ITGA3: variants seen among roughly 807,000 people sequenced by gnomAD.
ITGA3 encodes the protein integrin alpha-3.
ITGA3 carries 70 observed loss-of-function variants against 131.1 expected under a neutral mutation model. The observed-to-expected ratio is 0.53, with a 90% CI of 0.44 to 0.65. ITGA3 has a LOEUF of 0.65. Ranked by LOEUF, ITGA3 falls within the 30% of genes least tolerant of loss-of-function variation. The pLI, the probability that ITGA3 is intolerant of heterozygous loss-of-function variation, is 0.00. For missense variants in ITGA3, 1,098 were observed against 1,388.6 expected (o/e 0.79, Z 3.33); for synonymous variants, 537 against 571.6 (o/e 0.94, Z 0.86).
At chr17:50,073,633 C>T (rs963523438) in intron 7 of ITGA3, among the ~76,000 whole-genome samples, 32 of 149,550 alleles carry the variant, frequency 2.1e-4, no homozygotes, top group African/African-American at 4.7e-4. Context: ...CACACACACA[C>T]GCACACACGC....
At chr17:50,087,480 C>T (rs1909504616) in intron 23 of ITGA3, 2 of 414,032 alleles carry the variant, frequency 4.8e-6, no homozygotes, top group South Asian at 6.1e-5. Flanking sequence ...TACCCAGGCC[C>T]AGATGTGTGG....
intron 1 of ITGA3, among the ~76,000 whole-genome samples, chr17:50,059,349 C>T (rs1907970828): frequency 6.6e-6 from 1 of 152,194 alleles, no homozygotes; most frequent in Non-Finnish European, 1.5e-5. Context: ...ACCCTGTGGG[C>T]CTATGGGGAT....
At position 50,079,146 on chromosome 17, in the gene ITGA3, TC is replaced by T; in HGVS notation, c.2472del (p.Ser825AlafsTer78). ...LVLGLEWPYE[V>X]SNGKWLLYPT... ...CTAGGTCTGGAGTGGCCCTACGAAG[TC>T]AGCAATGGCAAGTGGCTGCTGTATC... On this transcript the variant is annotated frameshift_variant, in exon 20 of 26. Transcript: ENST00000320031. LOFTEE classifies it high-confidence loss of function. 1 of 1,613,904 alleles carries T rather than the reference TC, an allele frequency of 6.2e-7. No individual in the cohort carries two copies. Among genetic ancestry groups the T allele is most frequent in the Non-Finnish European group, 8.5e-7 (1 of 1,179,944 alleles).
chr17:50,081,253 A>G, intron 22 of ITGA3, 57 bp from the exon 23 acceptor site: 3 of 1,116,780 alleles, frequency 2.7e-6, no homozygotes, highest in Non-Finnish European at 4.0e-6. Flanking sequence ...TTAGGGTCGG[A>G]GGTAGGCTCA....
At chr17:50,074,767 G>A (rs753441485) in intron 10 of ITGA3, among the ~76,000 whole-genome samples, 10 of 152,182 alleles carry the variant, frequency 6.6e-5, no homozygotes, top group Non-Finnish European at 1.3e-4. Context: ...AGCTCTGGAC[G>A]GCCTGGTTCA....
At chr17:50,067,927 G>C in intron 3 of ITGA3, 129 bp from the exon 4 acceptor site, 1 of 1,226,590 alleles carries the variant, frequency 8.2e-7, no homozygotes, top group South Asian at 1.4e-5. Context: ...AGTATCACTG[G>C]GAGAAGGAGA....
intron 21 of ITGA3, 25 bp downstream of exon 21, chr17:50,079,582 G>A: frequency 2.7e-6 from 4 of 1,506,350 alleles, no homozygotes; most frequent in South Asian, 1.4e-5. Context: ...CGAGGTTGGA[G>A]GGGATTGCAT....
chr17:50,075,557 A>C (rs752674704), intron 11 of ITGA3, 31 bp downstream of exon 11: 43 of 1,614,116 alleles, frequency 2.7e-5, no homozygotes, highest in Non-Finnish European at 3.6e-5. Flanking sequence ...TAAAAGGGGT[A>C]CGCTCCCCTG....
At chr17:50,077,506 C>A in intron 16 of ITGA3, 59 bp downstream of exon 16, 1 of 1,308,942 alleles carries the variant, frequency 7.6e-7, no homozygotes, top group Non-Finnish European at 1.1e-6. Flanking sequence ...CTCTGATGAG[C>A]TCCTTGTCCT....
Position 50,089,522 on chromosome 17 carries a change from T to G in ITGA3, c.*444T>G. 1.9e-6 allele frequency: 1 copy of G among 517,508 alleles called. No homozygotes were observed. The highest frequency in any genetic ancestry group is 2.3e-5 in the South Asian group (1 of 43,982). The allele number at this position is 517,508 out of a possible 1,614,324, so 32.1% of individuals were successfully genotyped here. A position where few individuals can be genotyped will look rare whatever the true frequency, so the allele number is the denominator to read the frequency against. ...AGATGCACGTGGGGCCCACTGCTCG[T>G]GGACTGTGCTGGTGCATCACGGATG... On this transcript the variant is annotated 3_prime_UTR_variant, in exon 26 of 26. Coordinates refer to ENST00000320031, the MANE Select transcript of ITGA3 (RefSeq NM_002204.4).
intron 24 of ITGA3, 98 bp from the exon 25 acceptor site, chr17:50,088,127 C>T (rs1045983313): frequency 1.4e-6 from 2 of 1,449,510 alleles, no homozygotes; most frequent in South Asian, 2.9e-5. Context: ...CCCCAGCCCC[C>T]AGGCTCCCCA....
In ITGA3 at chr17:50,088,503, C is replaced by G. The variant is rs1046420532; in HGVS notation, c.*31+137C>G. 26 of 584,232 alleles carry G rather than the reference C, an allele frequency of 4.5e-5. 1 individual carries two copies. The highest frequency in any genetic ancestry group is 6.2e-6 in the Non-Finnish European group (2 of 324,272). The allele number at this position is 584,232 out of a possible 1,614,324, so 36.2% of individuals were successfully genotyped here. On this transcript the variant is annotated intron_variant, in intron 25 of 25. Transcript: ENST00000320031. ...CACCACCACCCCAAAGATCAGGTCA[C>G]TCTGACTGTCCCTCCAGCCCCCTGG...
rs1158126365 is a variant in ITGA3, at chr17:50,090,430, T to G, written c.*1352T>G. On this transcript the variant is annotated 3_prime_UTR_variant, in exon 26 of 26. Coordinates refer to ENST00000320031, the MANE Select transcript of ITGA3 (RefSeq NM_002204.4). ...GGAATTCCCTCCCCCTCCTTGTGCCTTCTTTGTATATAGGCTTCTCACGGC... is the reference window on the plus strand; with the variant it reads ...GGAATTCCCTCCCCCTCCTTGTGCCGTCTTTGTATATAGGCTTCTCACGGC... 3 of 302,880 alleles carry G rather than the reference T, an allele frequency of 9.9e-6. No homozygotes were observed. The East Asian group carries it at 2.6e-4, about 26-fold the overall frequency. The allele number at this position is 302,880 out of a possible 1,614,324, so 18.8% of individuals were successfully genotyped here.
Position 50,064,447 on chromosome 17 carries a change from A to G in ITGA3, c.335-81A>G. ...CCTGTGGGTGGAGGGCCCAAGCGGG[A>G]CCCACTCCTGCCCTCTGGAGACTTT... On this transcript the variant is annotated intron_variant, in intron 2 of 25. Transcript: ENST00000320031. This position sits in a 1 kb window ranked among gnomAD's most constrained non-coding sequence, Gnocchi z 4.4. 7.2e-7 allele frequency: 1 copy of G among 1,380,930 alleles called. No homozygotes were observed. Among genetic ancestry groups the G allele is most frequent in the Non-Finnish European group, 1.0e-6 (1 of 1,003,674 alleles). The allele number at this position is 1,380,930 out of a possible 1,614,324, so 85.5% of individuals were successfully genotyped here.
chr17:50,079,828 C>T (rs565515835), intron 21 of ITGA3, among the ~76,000 whole-genome samples: 1 of 152,336 alleles, frequency 6.6e-6, no homozygotes, highest in African/African-American at 2.4e-5. Context: ...TAGAGCTGCT[C>T]AGAGCTTTGG....
At position 50,064,872 on chromosome 17, in the gene ITGA3, C is replaced by A; in HGVS notation, c.414+265C>A. On this transcript the variant is annotated intron_variant, in intron 3 of 25. Coordinates refer to ENST00000320031, the MANE Select transcript of ITGA3 (RefSeq NM_002204.4). The surrounding 1 kb of genome is among the most constrained non-coding windows in gnomAD (Gnocchi z 4.4). The stretch of plus-strand genomic sequence containing the variant: ...CCGCATGCCTACACTGGGTGCTCAG[C>A]CTTCGTGGGAACAAGCCGAGGGAGC... 5.4e-6 allele frequency: 2 copies of A among 369,266 alleles called. No homozygotes were observed. Among genetic ancestry groups the A allele is most frequent in the African/African-American group, 2.1e-5 (1 of 47,174 alleles). 22.9% of individuals were successfully genotyped at this position (369,266 alleles called of 1,614,324 possible).
In ITGA3 at chr17:50,064,647, G is replaced by A. The variant is rs765163647; in HGVS notation, c.414+40G>A. On this transcript the variant is annotated intron_variant, in intron 3 of 25. Coordinates refer to ENST00000320031, the MANE Select transcript of ITGA3 (RefSeq NM_002204.4). The surrounding 1 kb of genome is among the most constrained non-coding windows in gnomAD (Gnocchi z 4.4). ...AGTGTTGGCTCCTCCACCTCTACCC[G>A]GCTCTCCCCTCATCTCCAGAGCTGG... The A allele has an allele frequency of 2.3e-5, 35 of 1,542,418 alleles. No individual in the cohort carries two copies. The highest frequency in any genetic ancestry group is 1.7e-4 in the Middle Eastern group (1 of 5,890).
Position 50,071,528 on chromosome 17 carries a change from T to C in ITGA3, c.959+10T>C, listed in dbSNP as rs1008815419. 1 of 1,597,540 alleles carries C rather than the reference T, an allele frequency of 6.3e-7. No homozygotes were observed. The highest frequency in any genetic ancestry group is 1.3e-5 in the African/African-American group (1 of 74,814). ...ACCTGAACAATGATGGGTGAGAATC[T>C]AGGGACATCCTCTGGGGCCAGGGAG... On this transcript the variant is annotated intron_variant, in intron 6 of 25. Transcript: ENST00000320031.
intron 23 of ITGA3, chr17:50,087,434 G>C (rs749285493): frequency 1.3e-5 from 4 of 301,806 alleles, no homozygotes; most frequent in Non-Finnish European, 2.5e-5. Flanking sequence ...GCAATTACTT[G>C]TCCAAGGTCA....
Sources: allele counts gnomAD v4.1 joint callset (sites outside exome capture counted in the v4.1 genomes callset), GRCh38; gene constraint gnomAD v4.1.1; non-coding constraint Gnocchi (gnomAD v3.1); transcripts MANE v1.5; gene names NCBI Gene and HGNC (gene_info 2026-07-23, HGNC 2026-07-21).